The following COL14A1 variants were observed in gnomAD, a reference collection of about 807,000 sequenced individuals.
COL14A1 encodes the protein collagen alpha-1(XIV) chain.
In COL14A1, 136 loss-of-function variants were observed where a neutral mutation model predicts 230.3. The ratio of observed to expected loss-of-function variants is 0.59; its 90% CI spans 0.51 to 0.68. COL14A1 has a LOEUF of 0.68. COL14A1 is among the 30% of genes least tolerant of loss of function. The pLI is 0.00. For missense variants in COL14A1, 1,976 were observed against 2,215.8 expected (o/e 0.89, Z 2.17); for synonymous variants, 792 against 784.1 (o/e 1.01, Z -0.17).
At chr8:120,270,653 G>T (rs762788520) in intron 26 of COL14A1, among the ~76,000 whole-genome samples, 9 of 151,656 alleles carry the variant, frequency 5.9e-5, no homozygotes, top group Non-Finnish European at 1.2e-4. Flanking sequence ...ATTTTGTGGG[G>T]CTCATATTCT....
At position 120,367,209 on chromosome 8, in the gene COL14A1, G is replaced by A. The variant is rs773249922; in HGVS notation, c.5116G>A (p.Val1706Ile). 113 of 1,613,540 alleles carry A rather than the reference G, an allele frequency of 7.0e-5. 1 individual carries two copies. The highest frequency in any genetic ancestry group is 3.3e-4 in the Middle Eastern group (2 of 6,060). ...CAAAGGAGAAAAAGGAAATCCAGGC[G>A]TTGGAACCCAAGGTCCAAGAGGCCC... is the stretch of plus-strand genomic sequence containing the variant. ...GIKGEKGNPG[V>I]GTQGPRGPPG... Residue 1706 changes from valine (V) to isoleucine (I), a missense_variant, in exon 46 of 48, where the codon GTT (valine) becomes ATT (isoleucine). By Grantham distance (29) the Val-to-Ile change is conservative. Around this residue, in one of 3 missense-constraint regions of COL14A1, gnomAD observed 1,791 missense variants for 2,019.5 expected, o/e 0.89. Transcript: ENST00000297848.
intron 14 of COL14A1, among the ~76,000 whole-genome samples, chr8:120,224,353 T>C (rs1225253178): frequency 1.3e-5 from 2 of 152,156 alleles, no homozygotes; most frequent in African/African-American, 4.8e-5. Context: ...GCTAACACAA[T>C]GCTGGTTAAG....
chr8:120,191,070 T>G (rs1269958828), intron 5 of COL14A1, among the ~76,000 whole-genome samples: 19 of 140,522 alleles, frequency 1.4e-4, no homozygotes, highest in South Asian at 5.1e-4. Flanking sequence ...TTTTAGTTAT[T>G]TCTTGCCTTC....
chr8:120,153,509 T>C (rs1307267040), intron 2 of COL14A1, among the ~76,000 whole-genome samples: 1 of 152,146 alleles, frequency 6.6e-6, no homozygotes, highest in Non-Finnish European at 1.5e-5. Flanking sequence ...AATTTTTTTG[T>C]TTTTAGATTA....
rs988483301 is a variant in COL14A1 at position 120,283,805 on chromosome 8, C to A, written c.3967+27C>A. 5.7e-6 allele frequency: 9 copies of A among 1,589,366 alleles called. No homozygotes were observed. The Admixed American group carries it at 1.6e-4, about 28-fold the overall frequency. ...TAAGTATATTTATTGAGATCACATTCACATATACATGTATGAGTAATGTAT... is the reference window on the plus strand; with the variant it reads ...TAAGTATATTTATTGAGATCACATTAACATATACATGTATGAGTAATGTAT... On this transcript the variant is annotated intron_variant, in intron 32 of 47. Coordinates refer to ENST00000297848, the MANE Select transcript of COL14A1 (RefSeq NM_021110.4).
chr8:120,288,789 C>T (rs188141950), intron 33 of COL14A1, among the ~76,000 whole-genome samples: 1 of 152,216 alleles, frequency 6.6e-6, no homozygotes, highest in East Asian at 1.9e-4. Flanking sequence ...TCATTATTTA[C>T]CTATTAATTT....
intron 2 of COL14A1, among the ~76,000 whole-genome samples, chr8:120,150,226 A>G: frequency 6.6e-6 from 1 of 152,200 alleles, no homozygotes; most frequent in Non-Finnish European, 1.5e-5. Context: ...GGAAGATTTT[A>G]AACAACTCTG....
At chr8:120,344,796 T>C (rs908471773) in intron 44 of COL14A1, among the ~76,000 whole-genome samples, 1 of 152,208 alleles carries the variant, frequency 6.6e-6, no homozygotes, top group Non-Finnish European at 1.5e-5. Flanking sequence ...CATATATCTG[T>C]ATATATATTT....
intron 5 of COL14A1, among the ~76,000 whole-genome samples, chr8:120,168,826 A>C (rs758052928): frequency 2.0e-5 from 3 of 152,004 alleles, no homozygotes; most frequent in South Asian, 2.1e-4. Flanking sequence ...GTTCTATGGG[A>C]TAGACTATTA....
intron 5 of COL14A1, among the ~76,000 whole-genome samples, chr8:120,193,836 C>A (rs13275595): frequency 6.6e-6 from 1 of 152,000 alleles, no homozygotes; most frequent in Non-Finnish European, 1.5e-5. Context: ...ACTCTGTGGG[C>A]GTAGGACCCT....
intron 26 of COL14A1, among the ~76,000 whole-genome samples, chr8:120,274,738 TA>T (rs1819785822): frequency 6.6e-6 from 1 of 151,636 alleles, no homozygotes; most frequent in South Asian, 2.1e-4. Context: ...TAATCACTTT[TA>T]CAATAGCTGC....
chr8:120,194,514 A>G (rs1234491353), intron 5 of COL14A1, among the ~76,000 whole-genome samples: 2 of 151,970 alleles, frequency 1.3e-5, no homozygotes, highest in South Asian at 2.1e-4. Flanking sequence ...AAACTTATCA[A>G]TCTTTTGATT....
chr8:120,280,020 C>G lies in COL14A1; in HGVS notation c.3567C>G (p.Val1189=). The G allele has an allele frequency of 1.2e-6, 2 of 1,613,876 alleles. No homozygotes were observed. The highest frequency in any genetic ancestry group is 1.1e-5 in the South Asian group (1 of 91,086). The part of the protein sequence containing the change: ...SIGSKPSARH[V]FFVDDFDAFK... ...GCAGTAAGCCCAGCGCACGCCATGTCTTCTTTGTGGATGACTTTGACGCCT... is the reference window on the plus strand; with the variant it reads ...GCAGTAAGCCCAGCGCACGCCATGTGTTCTTTGTGGATGACTTTGACGCCT... Residue 1189 remains valine, a synonymous_variant, in exon 29 of 48, where the codon GTC becomes GTG. Coordinates refer to ENST00000297848, the MANE Select transcript of COL14A1 (RefSeq NM_021110.4).
Position 120,134,202 on chromosome 8 carries a change from C to T in COL14A1, c.-38+8862C>T, listed in dbSNP as rs181745873. On this transcript the variant is annotated intron_variant, in intron 1 of 47. Transcript: ENST00000297848. ...AATTGGTCTACTAATTTAACATGAT[C>T]CCAATTTTGAGGAGTTTTTGGTACC... is the stretch of plus-strand genomic sequence containing the variant. 3.9e-3 allele frequency among the ~76,000 whole-genome samples: 594 copies of T among 151,886 alleles called. 3 individuals carry two copies. Among genetic ancestry groups the T allele is most frequent in the Non-Finnish European group, 7.0e-3 (476 of 67,882 alleles).
At chr8:120,364,998 G>A (rs1823358621) in intron 45 of COL14A1, among the ~76,000 whole-genome samples, 1 of 144,318 alleles carries the variant, frequency 6.9e-6, no homozygotes, top group African/African-American at 2.8e-5. Flanking sequence ...GGCATTTCAA[G>A]GGCTGGAATT....
intron 5 of COL14A1, among the ~76,000 whole-genome samples, chr8:120,189,641 G>A (rs200601306): frequency 2.0e-4 from 16 of 81,730 alleles, no homozygotes; most frequent in Non-Finnish European, 2.7e-4. Context: ...CCCCTCCCCC[G>A]ACCCCACAAC....
chr8:120,310,187 A>G (rs1287843738), intron 37 of COL14A1, 125 bp downstream of exon 37: 11 of 914,758 alleles, frequency 1.2e-5, no homozygotes, highest in Middle Eastern at 4.5e-4. Flanking sequence ...TAGTTTTATG[A>G]AAGTTGTGCC....
intron 23 of COL14A1, among the ~76,000 whole-genome samples, chr8:120,262,270 C>T (rs1250287887): frequency 5.3e-5 from 8 of 151,866 alleles, no homozygotes; most frequent in Non-Finnish European, 1.0e-4. Context: ...GTCAGGAATT[C>T]GAGACCAGCC....
At chr8:120,266,756 A>T (rs1008358372) in intron 24 of COL14A1, 71 bp from the exon 25 acceptor site, 4 of 1,209,010 alleles carry the variant, frequency 3.3e-6, no homozygotes, top group Non-Finnish European at 4.9e-6. Context: ...AATATTTATT[A>T]CTCCATGACC....
Sources: allele counts gnomAD v4.1 joint callset (sites outside exome capture counted in the v4.1 genomes callset), GRCh38; gene constraint gnomAD v4.1.1; regional missense constraint gnomAD v4.1.1; transcripts MANE v1.5; gene names NCBI Gene and HGNC (gene_info 2026-07-23, HGNC 2026-07-21).